CDH12: variants seen among roughly 807,000 people sequenced by gnomAD.
The protein encoded by CDH12 is cadherin-12.
CDH12 carries 41 observed loss-of-function variants against 74.1 expected under a neutral mutation model. The observed-to-expected ratio is 0.55, with a 90% confidence interval of 0.43 to 0.72. CDH12 has a LOEUF of 0.72. Among genes scored for constraint, CDH12 ranks in the 30% least tolerant of loss-of-function variants. The pLI is 0.00. For missense variants in CDH12, 945 were observed against 977.2 expected (o/e 0.97, Z 0.44); for synonymous variants, 399 against 355.0 (o/e 1.12, Z -1.39).
At chr5:21,905,927 T>C (rs1753622141) in intron 6 of CDH12, among the ~76,000 whole-genome samples, 1 of 152,148 alleles carries the variant, frequency 6.6e-6, no homozygotes, top group Admixed American at 6.6e-5. Context: ...TGTTTCTAAA[T>C]TCATGGTGTC....
chr5:22,600,476 A>G (rs896847314), intron 1 of CDH12, among the ~76,000 whole-genome samples: 5 of 152,124 alleles, frequency 3.3e-5, no homozygotes, highest in African/African-American at 1.2e-4. Context: ...TACTGTATAT[A>G]AAATTGGTGC....
intron 1 of CDH12, among the ~76,000 whole-genome samples, chr5:22,806,499 C>G (rs1457342198): frequency 6.6e-6 from 1 of 151,900 alleles, no homozygotes; most frequent in Non-Finnish European, 1.5e-5. Context: ...ACTACAGGCG[C>G]CCGCCATCAC....
intron 2 of CDH12, among the ~76,000 whole-genome samples, chr5:22,490,661 G>C (rs1033965355): frequency 5.9e-5 from 9 of 151,850 alleles, no homozygotes; most frequent in African/African-American, 1.9e-4. Context: ...AAAAAACTGA[G>C]GATGGCCATA....
intron 10 of CDH12, 28 bp downstream of exon 10, chr5:21,802,139 A>G (rs751134508): frequency 5.0e-6 from 8 of 1,587,342 alleles, no homozygotes; most frequent in South Asian, 1.1e-5. Flanking sequence ...TTCCTGAAAC[A>G]TAGAAAAAAA....
chr5:22,090,538 G>T (rs1158584870), intron 4 of CDH12, among the ~76,000 whole-genome samples: 1 of 147,886 alleles, frequency 6.8e-6, no homozygotes, highest in African/African-American at 2.5e-5. Flanking sequence ...TATTCTATGC[G>T]ACCTTTAACA....
intron 4 of CDH12, among the ~76,000 whole-genome samples, chr5:22,194,575 G>A (rs958847872): frequency 1.1e-4 from 16 of 152,038 alleles, no homozygotes; most frequent in East Asian, 3.9e-4. Flanking sequence ...CAAGAGATCC[G>A]CCCAGCTCAG....
chr5:22,630,477 A>G (rs1450443337), intron 1 of CDH12, among the ~76,000 whole-genome samples: 1 of 152,096 alleles, frequency 6.6e-6, no homozygotes, highest in African/African-American at 2.4e-5. Context: ...ATAGAGAACT[A>G]ATAAATAAAA....
intron 3 of CDH12, among the ~76,000 whole-genome samples, chr5:22,317,960 A>T (rs1220562355): frequency 3.9e-5 from 6 of 152,218 alleles, no homozygotes; most frequent in African/African-American, 1.4e-4. Context: ...TCATCCAGGC[A>T]ACTAAGGCAA....
At chr5:22,136,769 T>A (rs1746489740) in intron 4 of CDH12, among the ~76,000 whole-genome samples, 1 of 150,614 alleles carries the variant, frequency 6.6e-6, no homozygotes. Context: ...AGCTCTAAAG[T>A]TGGAAAGAAA....
At chr5:22,295,548 G>C (rs1490374626) in intron 3 of CDH12, among the ~76,000 whole-genome samples, 1 of 151,952 alleles carries the variant, frequency 6.6e-6, no homozygotes. Flanking sequence ...AATGCCTGGG[G>C]GAATATGAAC....
intron 2 of CDH12, among the ~76,000 whole-genome samples, chr5:22,413,904 C>A (rs993269295): frequency 4.6e-5 from 7 of 151,824 alleles, no homozygotes; most frequent in African/African-American, 1.7e-4. Context: ...ATTGAATGCC[C>A]TTTCTCTCTC....
chr5:22,048,431 C>T (rs568188490), intron 5 of CDH12, among the ~76,000 whole-genome samples: 7 of 152,114 alleles, frequency 4.6e-5, no homozygotes, highest in African/African-American at 1.7e-4. Flanking sequence ...TTTTTGTTGT[C>T]GTTGTTGGGG....
intron 1 of CDH12, among the ~76,000 whole-genome samples, chr5:22,733,842 C>T (rs1346041570): frequency 1.3e-5 from 2 of 151,894 alleles, no homozygotes; most frequent in African/African-American, 2.4e-5. Flanking sequence ...TTCTTCATTT[C>T]CAGATTGGCC....
intron 1 of CDH12, among the ~76,000 whole-genome samples, chr5:22,634,889 G>C (rs1326285223): frequency 6.6e-6 from 1 of 151,672 alleles, no homozygotes; most frequent in Non-Finnish European, 1.5e-5. Flanking sequence ...CTTCATCATA[G>C]ATCAGATGAT....
intron 1 of CDH12, among the ~76,000 whole-genome samples, chr5:22,622,285 C>G (rs976349064): frequency 1.2e-4 from 17 of 136,534 alleles, no homozygotes; most frequent in Non-Finnish European, 2.6e-4. Flanking sequence ...CCGAGAGGAA[C>G]ATCCCCTACT....
At chr5:21,956,486 G>C (rs2910513) in intron 6 of CDH12, among the ~76,000 whole-genome samples, 1 of 151,836 alleles carries the variant, frequency 6.6e-6, no homozygotes, top group Admixed American at 6.6e-5. Context: ...CATCAGTTTT[G>C]TCTTTTATAT....
At chr5:22,124,706 T>C (rs1257991152) in intron 4 of CDH12, among the ~76,000 whole-genome samples, 1 of 152,260 alleles carries the variant, frequency 6.6e-6, no homozygotes, top group Non-Finnish European at 1.5e-5. Flanking sequence ...ATTAATCTTC[T>C]TAAATTTATC....
chr5:22,647,812 G>C (rs1318257249), intron 1 of CDH12, among the ~76,000 whole-genome samples: 1 of 151,748 alleles, frequency 6.6e-6, no homozygotes, highest in Non-Finnish European at 1.5e-5. Flanking sequence ...TTTGAACTAT[G>C]TCAAAACTAA....
At chr5:22,155,808 G>A (rs578234408) in intron 4 of CDH12, among the ~76,000 whole-genome samples, 2 of 152,282 alleles carry the variant, frequency 1.3e-5, no homozygotes, top group Admixed American at 6.5e-5. Flanking sequence ...TTACAGACAT[G>A]AGCTTCATGC....
Sources: allele counts gnomAD v4.1 joint callset (sites outside exome capture counted in the v4.1 genomes callset), GRCh38; gene constraint gnomAD v4.1.1; transcripts MANE v1.5; gene names NCBI Gene and HGNC (gene_info 2026-07-23, HGNC 2026-07-21).